ASIP: variants seen among roughly 807,000 people sequenced by gnomAD.
ASIP encodes agouti signaling protein.
A neutral mutation model predicts 10.3 loss-of-function variants in ASIP; 11 were observed. The ratio of observed to expected loss-of-function variants is 1.07; its 90% confidence interval spans 0.68 to 1.78. The LOEUF (loss-of-function observed/expected upper bound fraction) is 1.78, where lower values mean the gene tolerates loss of function less well. ASIP is among the 40% of genes most tolerant of loss of function. The probability of loss-of-function intolerance (pLI) is 0.00; values close to 1 mark genes in which losing one functional copy is unlikely to be tolerated. For missense variants in ASIP, 180 were observed against 169.2 expected (o/e 1.06, Z -0.35); for synonymous variants, 70 against 70.8 (o/e 0.99, Z 0.06).
chr20:34,262,128 G>A (rs1348264840), intron 2 of ASIP, among the ~76,000 whole-genome samples: 2 of 151,690 alleles, frequency 1.3e-5, no homozygotes, highest in Non-Finnish European at 2.9e-5. Flanking sequence ...AAAAAAAAAA[G>A]AAGAAGAAGA....
At chr20:34,195,289 A>G (rs2034848057) in intron 1 of ASIP, among the ~76,000 whole-genome samples, 3 of 152,170 alleles carry the variant, frequency 2.0e-5, no homozygotes, top group Non-Finnish European at 2.9e-5. Flanking sequence ...GAGCAAACCC[A>G]GGGCGTAAAT....
chr20:34,240,977 T>G (rs1247967064), upstream of ASIP, among the ~76,000 whole-genome samples: 10 of 152,122 alleles, frequency 6.6e-5, no homozygotes, highest in Admixed American at 2.0e-4. Context: ...GGAAGCCAGC[T>G]CTGGGAGATC....
chr20:34,214,596 C>T (rs1352240074), intron 1 of ASIP: 1 of 1,316,266 alleles, frequency 7.6e-7, no homozygotes, highest in Non-Finnish European at 1.1e-6. Flanking sequence ...GAACAGAGGC[C>T]AGTAGTAACT....
upstream of ASIP, among the ~76,000 whole-genome samples, chr20:34,239,006 T>G (rs1374093355): frequency 6.6e-6 from 1 of 152,210 alleles, no homozygotes; most frequent in Non-Finnish European, 1.5e-5. Context: ...TAGAGCTTCC[T>G]ACTCTGCCAT....
At chr20:34,201,631 C>T (rs1316386513) in intron 1 of ASIP, among the ~76,000 whole-genome samples, 2 of 152,096 alleles carry the variant, frequency 1.3e-5, no homozygotes, top group Non-Finnish European at 2.9e-5. Flanking sequence ...GATTCGGGTG[C>T]GAGTGGAGCC....
intron 1 of ASIP, among the ~76,000 whole-genome samples, chr20:34,227,878 T>A (rs2035103564): frequency 6.6e-6 from 1 of 152,188 alleles, no homozygotes; most frequent in Non-Finnish European, 1.5e-5. Context: ...ACTTGGAGAA[T>A]AATCAAAACA....
At chr20:34,201,916 T>C (rs2034902533) in intron 1 of ASIP, among the ~76,000 whole-genome samples, 1 of 152,204 alleles carries the variant, frequency 6.6e-6, no homozygotes, top group Non-Finnish European at 1.5e-5. Context: ...CTTAGAACAG[T>C]GTTCAGTCTG....
At chr20:34,238,911 T>C (rs1409368956), upstream of ASIP, among the ~76,000 whole-genome samples, 2 of 152,206 alleles carry the variant, frequency 1.3e-5, no homozygotes, top group Non-Finnish European at 2.9e-5. Context: ...ACCTAGAAGT[T>C]GCAAGCCTTC....
Position 34,269,159 on chromosome 20 carries a change from A to G in ASIP, c.391A>G (p.Asn131Asp). ...CTGCTCCTGCCGCGTGCTCAGCCTC[A>G]ACTGCTGAGCGCCCCCACTCCCGGC... ...SACSCRVLSLNC is the reference protein window; with the variant it reads ...SACSCRVLSLDC The change falls in exon 4 of 4, where the codon AAC (asparagine) becomes GAC (aspartate). Residue 131 changes from asparagine to aspartate, a missense_variant. Transcript: ENST00000374954. The G allele has an allele frequency of 6.5e-7, 1 of 1,535,122 alleles. No individual in the cohort carries two copies. Among genetic ancestry groups the G allele is most frequent in the Non-Finnish European group, 8.8e-7 (1 of 1,139,554 alleles).
intron 1 of ASIP, among the ~76,000 whole-genome samples, chr20:34,223,401 C>G (rs1033548806): frequency 9.3e-5 from 14 of 151,214 alleles, no homozygotes; most frequent in Non-Finnish European, 1.6e-4. Context: ...GCAACCGCCC[C>G]GTCTGAGAAG....
chr20:34,196,957 C>T (rs1350275522), intron 1 of ASIP, among the ~76,000 whole-genome samples: 1 of 151,126 alleles, frequency 6.6e-6, no homozygotes, highest in Non-Finnish European at 1.5e-5. Context: ...GAAGAATCAG[C>T]TTGAAGCAAA....
chr20:34,245,781 C>G (rs2035364534), intron 1 of ASIP, among the ~76,000 whole-genome samples: 1 of 151,854 alleles, frequency 6.6e-6, no homozygotes, highest in East Asian at 1.9e-4. Flanking sequence ...AAAAAACAAG[C>G]AACCTTGTAC....
chr20:34,225,642 A>T (rs1259752379), intron 1 of ASIP, among the ~76,000 whole-genome samples: 2 of 152,262 alleles, frequency 1.3e-5, no homozygotes, highest in African/African-American at 4.8e-5. Flanking sequence ...TTTCGTAATA[A>T]TAATTCTTAC....
intron 1 of ASIP, among the ~76,000 whole-genome samples, chr20:34,256,821 G>A (rs1218904142): frequency 6.6e-6 from 1 of 152,038 alleles, no homozygotes; most frequent in Admixed American, 6.6e-5. Context: ...TGTTGCCCAG[G>A]CTGGGTAACA....
intron 1 of ASIP, among the ~76,000 whole-genome samples, chr20:34,200,979 TCC>T (rs2034890197): frequency 1.3e-4 from 6 of 46,034 alleles, no homozygotes; most frequent in African/African-American, 9.2e-4. Flanking sequence ...TTTCCTTCCT[TCC>T]TTCCTTCCTT....
rs2035151440 is a variant in ASIP, at chr20:34,234,468, T to G, written c.-10-25897T>G. 3.3e-5 allele frequency among the ~76,000 whole-genome samples: 5 copies of G among 152,258 alleles called. No individual in the cohort carries two copies. The South Asian group carries it at 1.0e-3, about 32-fold the overall frequency. ...TCCAGTGGGCGCTATCAGCTTTCTT[T>G]CTTTCTTTTTCCTTTTCTCTTTTCT... On this transcript the variant is annotated intron_variant, in intron 1 of 3. Transcript: ENST00000568305.
intron 1 of ASIP, among the ~76,000 whole-genome samples, chr20:34,227,540 A>T (rs570157659): frequency 6.5e-4 from 98 of 151,846 alleles, no homozygotes; most frequent in Middle Eastern, 3.4e-3. Flanking sequence ...CTAAGGCAGG[A>T]GAATCACTTG....
At chr20:34,242,538 T>C (rs1406765467) in intron 1 of ASIP, among the ~76,000 whole-genome samples, 2 of 152,202 alleles carry the variant, frequency 1.3e-5, no homozygotes, top group African/African-American at 2.4e-5. Flanking sequence ...CAGCCAGTCA[T>C]TTTGGGTTTT....
At chr20:34,214,413 G>A in intron 1 of ASIP, 3 of 1,459,280 alleles carry the variant, frequency 2.1e-6, no homozygotes, top group Non-Finnish European at 2.9e-6. Context: ...TGTTACCAGA[G>A]TTCGCATCAT....
Sources: gnomAD v4.1 joint callset for allele counts (sites outside exome capture counted in the v4.1 genomes callset) on GRCh38, gnomAD v4.1.1 for gene constraint, MANE v1.5 for transcripts, NCBI Gene and HGNC (gene_info 2026-07-23, HGNC 2026-07-21) for gene names.